Variants in CACNA1F observed in about 807,000 individuals in gnomAD.
CACNA1F encodes the protein voltage-dependent L-type calcium channel subunit alpha-1F.
In CACNA1F, 59 loss-of-function variants were observed where a neutral mutation model predicts 143.8. The observed-to-expected ratio is 0.41, with a 90% CI of 0.33 to 0.51. The LOEUF is 0.51. CACNA1F is among the 20% of genes least tolerant of loss of function. The probability of loss-of-function intolerance (pLI) is 0.22; values close to 1 mark genes in which losing one functional copy is unlikely to be tolerated. For missense variants in CACNA1F, 1,411 were observed against 1,647.5 expected (o/e 0.86, Z 2.48); for synonymous variants, 643 against 649.1 (o/e 0.99, Z 0.14).
At chrX:49,216,354 C>T (rs781938835) in intron 27 of CACNA1F, 28 bp downstream of exon 27, 2 of 1,206,969 alleles carry the variant, frequency 1.7e-6, no homozygotes, top group South Asian at 3.5e-5. Context: ...GCCTCATCCC[C>T]TGATAAACCC....
In CACNA1F at chrX:49,220,518, C is replaced by A. The variant is rs782146464; in HGVS notation, c.2341G>T (p.Gly781Cys). ...CCCTCCTCTTCCTCTTTCTCCACAC[C>A]AGGCACCTGAGGACAGGAAGACGGG... ...LPQENEGLVP[G>C]VEKEEEEGAR... Residue 781 changes from glycine to cysteine, a missense_variant, in exon 19 of 48, where the codon GGT (glycine) becomes TGT (cysteine). Physicochemically the swap from Gly to Cys is radical, Grantham distance 159. Around this residue, in one of 3 missense-constraint regions of CACNA1F, gnomAD observed 950 missense variants for 1,128.1 expected, o/e 0.84. Coordinates refer to ENST00000323022, the MANE Select transcript of CACNA1F (RefSeq NM_001256789.3). The A allele has an allele frequency of 8.3e-7, 1 of 1,207,406 alleles. No individual in the cohort carries two copies.
Position 49,206,526 on chromosome X carries a change from C to A in CACNA1F, c.5457G>T (p.Gly1819=). The change falls in exon 46 of 48, where the codon GGG becomes GGT. Residue 1819 remains glycine, a synonymous_variant. Coordinates refer to ENST00000323022, the MANE Select transcript of CACNA1F (RefSeq NM_001256789.3). ...ACAGCCTCACCTGAGCCCTATTGGG[C>A]CCTGAATTTCGCCCACGATGATAGG... The part of the protein sequence containing the change: ...PGTYHRGRNS[G]PNRAQGSWAT... The A allele has an allele frequency of 8.3e-7, 1 of 1,204,839 alleles. No individual in the cohort carries two copies. Among genetic ancestry groups the A allele is most frequent in the Non-Finnish European group, 1.1e-6 (1 of 889,331 alleles).
Position 49,221,018 on chromosome X carries a change from C to T in CACNA1F, c.2334+17G>A. The T allele has an allele frequency of 8.4e-7, 1 of 1,187,431 alleles. No homozygotes were observed. Among genetic ancestry groups the T allele is most frequent in the Non-Finnish European group, 1.1e-6 (1 of 873,245 alleles). On this transcript the variant is annotated intron_variant, in intron 18 of 47. Transcript: ENST00000323022. ...TGGGAGTGGGAGGTGTAGACAGTGC[C>T]CAGGCATCTAACTCACCAGGCCTTC...
chrX:49,211,532 A>T, intron 35 of CACNA1F, 51 bp from the exon 36 acceptor site: 1 of 1,080,102 alleles, frequency 9.3e-7, no homozygotes, highest in Non-Finnish European at 1.3e-6. Flanking sequence ...CTATGAAGTC[A>T]TGGTAAATGG....
At chrX:49,209,867 G>A in intron 40 of CACNA1F, 74 bp downstream of exon 40, 2 of 1,150,307 alleles carry the variant, frequency 1.7e-6, no homozygotes, top group Non-Finnish European at 2.4e-6. Context: ...TCTGCCCAGC[G>A]CTGGTTTTGT....
chrX:49,223,188 G>A, intron 14 of CACNA1F, 52 bp from the exon 15 acceptor site: 2 of 869,780 alleles, frequency 2.3e-6, no homozygotes, highest in Non-Finnish European at 3.3e-6. Context: ...ACTGGACATG[G>A]CTGGAGCATC....
chrX:49,220,650 C>T (rs2065766185), intron 18 of CACNA1F, 126 bp from the exon 19 acceptor site: 2 of 596,554 alleles, frequency 3.4e-6, no homozygotes, highest in South Asian at 4.8e-5. Flanking sequence ...AAGACATGCA[C>T]ATATGGCTGG....
intron 46 of CACNA1F, among the ~76,000 whole-genome samples, chrX:49,206,236 T>G (rs782144401): frequency 9.2e-6 from 1 of 108,222 alleles, no homozygotes; most frequent in East Asian, 2.9e-4. Context: ...CTACTAAAAA[T>G]GCAAAAATTA....
intron 19 of CACNA1F, 73 bp downstream of exon 19, chrX:49,220,400 G>T: frequency 1.3e-6 from 1 of 759,551 alleles, no homozygotes. Flanking sequence ...GAGGGTCTCA[G>T]GGGTCAGGAG....
chrX:49,213,602 A>C (rs1257018747), intron 31 of CACNA1F, among the ~76,000 whole-genome samples: 1 of 111,800 alleles, frequency 8.9e-6, no homozygotes, highest in African/African-American at 3.3e-5. Flanking sequence ...TGGAGCCAGT[A>C]GATAGGTTAC....
intron 39 of CACNA1F, 110 bp from the exon 40 acceptor site, chrX:49,210,152 G>A (rs782070450): frequency 1.0e-5 from 7 of 671,899 alleles, no homozygotes; most frequent in Admixed American, 4.6e-5. Flanking sequence ...GATGCACACC[G>A]CCCCCATTGG....
intron 40 of CACNA1F, 42 bp from the exon 41 acceptor site, chrX:49,209,801 C>T (rs1557105791): frequency 3.3e-6 from 4 of 1,204,155 alleles, no homozygotes; most frequent in East Asian, 3.0e-5. Flanking sequence ...CAGGGGCCCT[C>T]TGACCCAGCC....
intron 44 of CACNA1F, 53 bp from the exon 45 acceptor site, chrX:49,206,908 C>T: frequency 8.6e-7 from 1 of 1,168,024 alleles, no homozygotes; most frequent in Admixed American, 2.2e-5. Context: ...TGGACCTGGG[C>T]CTGGGAGATG....
intron 17 of CACNA1F, chrX:49,222,306 C>A: frequency 2.3e-6 from 1 of 437,423 alleles, no homozygotes; most frequent in Non-Finnish European, 4.0e-6. Flanking sequence ...CTCTTGTCTG[C>A]CTTGACCCCT....
At chrX:49,215,715 GA>G (rs2065708636) in intron 27 of CACNA1F, among the ~76,000 whole-genome samples, 172 bp from the exon 28 acceptor site, 1 of 107,896 alleles carries the variant, frequency 9.3e-6, no homozygotes, top group South Asian at 4.2e-4. Flanking sequence ...CATACTCTAA[GA>G]GACCTCTACC....
In CACNA1F at chrX:49,206,582, C is replaced by T; in HGVS notation, c.5401G>A (p.Gly1801Ser). 3 of 1,210,788 alleles carry T rather than the reference C, an allele frequency of 2.5e-6. No homozygotes were observed. The highest frequency in any genetic ancestry group is 1.8e-5 in the South Asian group (1 of 56,936). The change falls in exon 46 of 48, where the codon GGC becomes AGC. Residue 1801 changes from glycine (G) to serine (S), a missense_variant. Transcript: ENST00000323022. ...SFTIQCLQRQ[G>S]SCEDLPIPGT... ...GGGATGGGTAAATCCTCACAACTGC[C>T]CTGGCGCTGCAGACACTGGATGGTG...
At chrX:49,210,565 C>T (rs369739607) in intron 38 of CACNA1F, 25 bp downstream of exon 38, 2 of 1,171,878 alleles carry the variant, frequency 1.7e-6, no homozygotes, top group Non-Finnish European at 2.3e-6. Flanking sequence ...CTCTCAGGAG[C>T]CTGGGGGTGG....
intron 29 of CACNA1F, among the ~76,000 whole-genome samples, chrX:49,214,803 T>A (rs1333672283): frequency 9.0e-6 from 1 of 111,353 alleles, no homozygotes; most frequent in African/African-American, 3.3e-5. Flanking sequence ...CATTTTAGAA[T>A]CTCTGAAATT....
At chrX:49,219,488 C>T (rs1557108325) in intron 20 of CACNA1F, 38 bp from the exon 21 acceptor site, 3 of 1,200,436 alleles carry the variant, frequency 2.5e-6, no homozygotes, top group Non-Finnish European at 3.4e-6. Flanking sequence ...GAACTCAGGA[C>T]CACAGAATTG....
Sources: allele counts gnomAD v4.1 joint callset (sites outside exome capture counted in the v4.1 genomes callset), GRCh38; gene constraint gnomAD v4.1.1; regional missense constraint gnomAD v4.1.1; transcripts MANE v1.5; gene names NCBI Gene and HGNC (gene_info 2026-07-23, HGNC 2026-07-21).